Variants in GRIA4 observed in about 807,000 individuals in gnomAD.
GRIA4 encodes glutamate ionotropic receptor AMPA type subunit 4.
GRIA4 carries 34 observed loss-of-function variants against 104.0 expected under a neutral mutation model. The ratio of observed to expected loss-of-function variants is 0.33; its 90% CI spans 0.25 to 0.44. The LOEUF is 0.44. Ranked by LOEUF, GRIA4 falls within the 20% of genes least tolerant of loss-of-function variation. The pLI, the probability that GRIA4 is intolerant of heterozygous loss-of-function variation, is 1.00. For missense variants in GRIA4, 750 were observed against 1,096.5 expected, an observed-to-expected ratio of 0.68 and a Z score of 4.46; for synonymous variants, 386 against 381.9, an observed-to-expected ratio of 1.01 and a Z score of -0.13.
At chr11:105,664,526 T>C (rs1480226353) in intron 3 of GRIA4, among the ~76,000 whole-genome samples, 1 of 151,968 alleles carries the variant, frequency 6.6e-6, no homozygotes, top group Admixed American at 6.6e-5. Context: ...ACGTTAGTTC[T>C]ATTAATGGTA....
At chr11:105,683,769 T>C (rs1433401705) in intron 3 of GRIA4, among the ~76,000 whole-genome samples, 1 of 152,224 alleles carries the variant, frequency 6.6e-6, no homozygotes, top group East Asian at 1.9e-4. Context: ...GGTTGTTCAC[T>C]ACAATACCCT....
At chr11:105,693,549 A>G (rs949028911) in intron 3 of GRIA4, among the ~76,000 whole-genome samples, 1 of 152,052 alleles carries the variant, frequency 6.6e-6, no homozygotes, top group African/African-American at 2.4e-5. Context: ...AGAATCTGGC[A>G]TTTTTTTCCT....
intron 3 of GRIA4, among the ~76,000 whole-genome samples, chr11:105,626,749 A>T (rs954713153): frequency 6.6e-6 from 1 of 152,150 alleles, no homozygotes; most frequent in Non-Finnish European, 1.5e-5. Context: ...AGATTCAGGA[A>T]TTTTTTATGT....
chr11:105,913,539 A>G, intron 10 of GRIA4: 1 of 824,068 alleles, frequency 1.2e-6, no homozygotes, highest in Non-Finnish European at 1.5e-6. Context: ...ATTAAAAGTA[A>G]TCATTTCTGC....
At chr11:105,651,943 C>T (rs1276132019) in intron 3 of GRIA4, among the ~76,000 whole-genome samples, 3 of 151,958 alleles carry the variant, frequency 2.0e-5, no homozygotes, top group Admixed American at 2.0e-4. Flanking sequence ...TTTTAAACAC[C>T]TTTAACTTAA....
chr11:105,899,958 T>C (rs1416626951), intron 7 of GRIA4, among the ~76,000 whole-genome samples: 1 of 152,066 alleles, frequency 6.6e-6, no homozygotes, highest in Non-Finnish European at 1.5e-5. Context: ...TGTTAAACAG[T>C]GAAATCATCA....
chr11:105,948,597 T>TTTG (rs1948383051), intron 14 of GRIA4, among the ~76,000 whole-genome samples: 2 of 36,412 alleles, frequency 5.5e-5, no homozygotes, highest in African/African-American at 1.5e-4. Context: ...TTCTTTTTGT[T>TTTG]TTTTTTTTTT....
chr11:105,744,764 T>C (rs1591181677), intron 3 of GRIA4, among the ~76,000 whole-genome samples: 2 of 152,182 alleles, frequency 1.3e-5, no homozygotes, highest in Admixed American at 6.6e-5. Context: ...AATTGGATAA[T>C]ATTAAAGACA....
intron 5 of GRIA4, among the ~76,000 whole-genome samples, chr11:105,875,919 T>C (rs1945802938): frequency 6.6e-6 from 1 of 152,192 alleles, no homozygotes; most frequent in Non-Finnish European, 1.5e-5. Flanking sequence ...CTCCTTCAGT[T>C]CTGCTCTGAT....
chr11:105,636,003 C>T (rs868596159), intron 3 of GRIA4, among the ~76,000 whole-genome samples: 3 of 152,162 alleles, frequency 2.0e-5, no homozygotes, highest in Admixed American at 6.5e-5. Flanking sequence ...GGCAGCATTG[C>T]CTCCCAATTC....
At chr11:105,920,020 C>T (rs1947515456) in intron 11 of GRIA4, among the ~76,000 whole-genome samples, 1 of 152,064 alleles carries the variant, frequency 6.6e-6, no homozygotes, top group Admixed American at 6.6e-5. Flanking sequence ...GGCAAAACTG[C>T]CTTCTGATAA....
chr11:105,832,820 T>C (rs186777967), intron 4 of GRIA4, among the ~76,000 whole-genome samples: 54 of 152,118 alleles, frequency 3.5e-4, no homozygotes, highest in African/African-American at 1.2e-3. Flanking sequence ...ATTCCACTCC[T>C]TCTCTTTCTG....
intron 5 of GRIA4, among the ~76,000 whole-genome samples, chr11:105,877,956 T>G (rs1945895201): frequency 6.6e-6 from 1 of 152,212 alleles, no homozygotes; most frequent in African/African-American, 2.4e-5. Flanking sequence ...ACCTTGCTGG[T>G]GAGGATTTGT....
intron 5 of GRIA4, among the ~76,000 whole-genome samples, chr11:105,872,717 A>C (rs1343611934): frequency 6.6e-6 from 1 of 152,140 alleles, no homozygotes; most frequent in Non-Finnish European, 1.5e-5. Flanking sequence ...ACATCTCAAG[A>C]AATTAGATAT....
chr11:105,752,561 T>G (rs1315480225), intron 3 of GRIA4, among the ~76,000 whole-genome samples: 1 of 152,186 alleles, frequency 6.6e-6, no homozygotes, highest in African/African-American at 2.4e-5. Context: ...AAATGTTCCT[T>G]CAATTAATAC....
Position 105,910,552 on chromosome 11 carries a change from G to A in GRIA4, c.1269+7G>A. 11 of 1,360,922 alleles carry A rather than the reference G, an allele frequency of 8.1e-6. No homozygotes were observed. The highest frequency in any genetic ancestry group is 1.2e-5 in the Non-Finnish European group (11 of 948,818). The allele number at this position is 1,360,922 out of a possible 1,614,324, so 84.3% of individuals were successfully genotyped here. A position where few individuals can be genotyped will look rare whatever the true frequency, so the allele number is the denominator to read the frequency against. On this transcript the variant is annotated splice_region_variant and intron_variant, in intron 10 of 16. Transcript: ENST00000282499. ...GGTTGTAACCACAATTATGGTAAGTGTTGGTCTATGCTTTATGGTGTTCCG... is the reference window on the plus strand; with the variant it reads ...GGTTGTAACCACAATTATGGTAAGTATTGGTCTATGCTTTATGGTGTTCCG...
intron 9 of GRIA4, among the ~76,000 whole-genome samples, chr11:105,906,448 A>T (rs573894137): frequency 6.6e-6 from 1 of 152,286 alleles, no homozygotes; most frequent in East Asian, 1.9e-4. Flanking sequence ...ATGAAATGGA[A>T]GGGGCAACAA....
chr11:105,699,046 T>C (rs990625177), intron 3 of GRIA4, among the ~76,000 whole-genome samples: 2 of 152,236 alleles, frequency 1.3e-5, no homozygotes, highest in Non-Finnish European at 2.9e-5. Context: ...TAAGAGTTTA[T>C]AGACTTTTCG....
intron 3 of GRIA4, among the ~76,000 whole-genome samples, chr11:105,675,171 T>G (rs1392648121): frequency 6.6e-6 from 1 of 151,818 alleles, no homozygotes; most frequent in East Asian, 1.9e-4. Flanking sequence ...AGTAATTAGG[T>G]ATGACTTGAT....
Sources: allele counts gnomAD v4.1 joint callset (sites outside exome capture counted in the v4.1 genomes callset), GRCh38; gene constraint gnomAD v4.1.1; transcripts MANE v1.5; gene names NCBI Gene and HGNC (gene_info 2026-07-23, HGNC 2026-07-21).